The following FAM20C variants were observed in gnomAD, a reference collection of about 807,000 sequenced individuals.
FAM20C encodes FAM20C golgi associated secretory pathway kinase, also known as extracellular serine/threonine protein kinase FAM20C.
Under a neutral mutation model 51.5 loss-of-function variants are expected in FAM20C, and 40 were observed. The observed-to-expected ratio is 0.78, with a 90% confidence interval of 0.60 to 1.01. The LOEUF (loss-of-function observed/expected upper bound fraction) is 1.01. Among genes scored for constraint, FAM20C ranks in the 50% least tolerant of loss-of-function variants. The pLI is 0.00. For missense variants in FAM20C, 861 were observed against 844.7 expected (o/e 1.02, Z -0.24); for synonymous variants, 406 against 380.6 (o/e 1.07, Z -0.78).
intron 5 of FAM20C, among the ~76,000 whole-genome samples, chr7:250,561 A>G (rs1788356350): frequency 6.6e-6 from 1 of 152,112 alleles, no homozygotes; most frequent in African/African-American, 2.4e-5. Flanking sequence ...GGATGGCTTG[A>G]GCTGTCCATC....
intron 3 of FAM20C, among the ~76,000 whole-genome samples, chr7:215,057 T>C (rs1438488025): frequency 6.6e-6 from 1 of 151,780 alleles, no homozygotes; most frequent in Admixed American, 6.6e-5. Flanking sequence ...GTCACTACAC[T>C]CTCCTATGCT....
intron 2 of FAM20C, among the ~76,000 whole-genome samples, chr7:207,793 G>A (rs1786502683): frequency 6.6e-6 from 1 of 152,150 alleles, no homozygotes; most frequent in Non-Finnish European, 1.5e-5. Flanking sequence ...GGCCCTCGCT[G>A]TGGCCAGCTT....
chr7:247,406 C>T (rs1788211377), intron 4 of FAM20C, among the ~76,000 whole-genome samples: 1 of 152,180 alleles, frequency 6.6e-6, no homozygotes, highest in Non-Finnish European at 1.5e-5. Context: ...CCTGCACGGC[C>T]CTGACACGTC....
intron 7 of FAM20C, 121 bp downstream of exon 7, chr7:256,884 G>A: frequency 7.1e-7 from 1 of 1,406,828 alleles, no homozygotes; most frequent in South Asian, 1.2e-5. Context: ...GCCTGTGAAG[G>A]GGCCAGATTG....
At position 258,303 on chromosome 7, in the gene FAM20C, G is replaced by C. The variant is rs1463884192; in HGVS notation, c.1446-343G>C. ...CCCACTGCCTGGGGTGCTGGAGATG[G>C]GTGGGATGGACCCACTGCCCGGGGT... On this transcript the variant is annotated intron_variant, in intron 8 of 9. Coordinates refer to ENST00000313766, the MANE Select transcript of FAM20C (RefSeq NM_020223.4). Among the ~76,000 whole-genome samples, 12 of 91,642 alleles carry C rather than the reference G, an allele frequency of 1.3e-4. 1 individual carries two copies. Among genetic ancestry groups the C allele is most frequent in the Middle Eastern group, 6.0e-3 (1 of 168 alleles). 60.1% of individuals were successfully genotyped at this position (91,642 alleles called of 152,430 possible).
chr7:259,543 C>CCT (rs1178786162), intron 9 of FAM20C, among the ~76,000 whole-genome samples, 188 bp from the exon 10 acceptor site: 2 of 152,064 alleles, frequency 1.3e-5, no homozygotes, highest in African/African-American at 2.4e-5. Context: ...TTTCTCTCTC[C>CCT]CTCTCTTTCT....
At chr7:194,185 T>C (rs1785734929) in intron 1 of FAM20C, 1 of 212,510 alleles carries the variant, frequency 4.7e-6, no homozygotes, top group East Asian at 1.0e-4. Flanking sequence ...GAGGGTGCTC[T>C]GGGTGGGCAC....
intron 3 of FAM20C, among the ~76,000 whole-genome samples, chr7:240,732 G>A (rs1465207642): frequency 1.3e-5 from 2 of 152,170 alleles, no homozygotes; most frequent in African/African-American, 4.8e-5. Context: ...TCTTGCCCTG[G>A]GGCCCTCTCC....
chr7:260,101 A>C lies in FAM20C; in HGVS notation c.*121A>C. 1.5e-6 allele frequency: 2 copies of C among 1,324,770 alleles called. No individual in the cohort carries two copies. Among genetic ancestry groups the C allele is most frequent in the Non-Finnish European group, 2.0e-6 (2 of 1,014,704 alleles). 82.1% of individuals were successfully genotyped at this position (1,324,770 alleles called of 1,614,324 possible). ...CAGGACGGGATCATCCGGAGTCGGG[A>C]GCTGCTGCCACAGGAGGCGAGGCTC... On this transcript the variant is annotated 3_prime_UTR_variant, in exon 10 of 10. Coordinates refer to ENST00000313766, the MANE Select transcript of FAM20C (RefSeq NM_020223.4).
intron 3 of FAM20C, among the ~76,000 whole-genome samples, chr7:213,583 G>T (rs1786829206): frequency 6.6e-6 from 1 of 152,004 alleles, no homozygotes; most frequent in African/African-American, 2.4e-5. Context: ...ACGGGCATTT[G>T]AGTTGTTTCC....
intron 4 of FAM20C, among the ~76,000 whole-genome samples, chr7:247,756 A>C (rs1788226506): frequency 6.6e-6 from 1 of 152,102 alleles, no homozygotes; most frequent in African/African-American, 2.4e-5. Flanking sequence ...AGAGCCCAGC[A>C]CCCAGGCGAG....
chr7:252,758 C>T (rs890904731), intron 5 of FAM20C, among the ~76,000 whole-genome samples: 9 of 152,224 alleles, frequency 5.9e-5, no homozygotes, highest in African/African-American at 1.9e-4. Context: ...TTGTGGAGCT[C>T]AGGTTCAGAG....
chr7:204,424 C>A (rs1004333938), intron 2 of FAM20C, among the ~76,000 whole-genome samples: 5 of 152,202 alleles, frequency 3.3e-5, no homozygotes, highest in Admixed American at 3.3e-4. Context: ...GGCACTGAGC[C>A]CAGCCCCAGT....
chr7:240,945 G>C (rs1787929187), intron 3 of FAM20C, among the ~76,000 whole-genome samples: 1 of 152,178 alleles, frequency 6.6e-6, no homozygotes. Context: ...TCCTCCCTGA[G>C]CAGGGGGTGG....
intron 3 of FAM20C, among the ~76,000 whole-genome samples, chr7:211,336 C>T (rs543082531): frequency 2.0e-5 from 3 of 150,364 alleles, no homozygotes; most frequent in Admixed American, 1.3e-4. Flanking sequence ...CACAACCTCC[C>T]GAAACCTCCC....
At chr7:237,108 C>T (rs1787872612) in intron 3 of FAM20C, among the ~76,000 whole-genome samples, 1 of 152,220 alleles carries the variant, frequency 6.6e-6, no homozygotes, top group Non-Finnish European at 1.5e-5. Context: ...AACAGGCTGC[C>T]TCGGGGCTGG....
intron 2 of FAM20C, among the ~76,000 whole-genome samples, chr7:207,520 G>C (rs1204564414): frequency 6.6e-6 from 1 of 152,098 alleles, no homozygotes; most frequent in Non-Finnish European, 1.5e-5. Flanking sequence ...TCCCTAGGGA[G>C]GCTGCTCCTG....
At chr7:211,557 T>C (rs1482065606) in intron 3 of FAM20C, among the ~76,000 whole-genome samples, 2 of 151,978 alleles carry the variant, frequency 1.3e-5, no homozygotes, top group Admixed American at 6.5e-5. Context: ...GGCGCCAGGC[T>C]CCAGAGCCCC....
At chr7:258,269 C>T (rs1215714338) in intron 8 of FAM20C, among the ~76,000 whole-genome samples, 10 of 124,492 alleles carry the variant, frequency 8.0e-5, no homozygotes, top group East Asian at 2.3e-4. Context: ...TGGAGATAGG[C>T]AGGGTGGACC....
Sources: allele counts gnomAD v4.1 joint callset (sites outside exome capture counted in the v4.1 genomes callset), GRCh38; gene constraint gnomAD v4.1.1; transcripts MANE v1.5; gene names NCBI Gene and HGNC (gene_info 2026-07-23, HGNC 2026-07-21).